The following ZSCAN25 variants were observed in gnomAD, a reference collection of about 807,000 sequenced individuals.
The protein encoded by ZSCAN25 is zinc finger and SCAN domain containing 25.
Under a neutral mutation model 38.7 loss-of-function variants are expected in ZSCAN25, and 27 were observed. The ratio of observed to expected loss-of-function variants is 0.70; its 90% confidence interval spans 0.51 to 0.96. The LOEUF is 0.96. Among genes scored for constraint, ZSCAN25 ranks in the 40% least tolerant of loss-of-function variants. The probability of loss-of-function intolerance (pLI) is 0.00; values close to 1 mark genes in which losing one functional copy is unlikely to be tolerated. For synonymous variants in ZSCAN25, 273 were observed against 277.7 expected (o/e 0.98, Z 0.17); for missense variants, 637 against 705.9 (o/e 0.90, Z 1.11).
the ZSCAN25 span, chr7:99,648,488 A>AAT: frequency 2.8e-6 from 2 of 717,132 alleles, no homozygotes; most frequent in Non-Finnish European, 2.2e-6. Flanking sequence ...TATGACAAAA[A>AAT]TGCTTTGCAA....
chr7:99,686,227 G>A, the ZSCAN25 span, among the ~76,000 whole-genome samples: 9 of 152,232 alleles, frequency 5.9e-5, no homozygotes, highest in African/African-American at 1.7e-4. Flanking sequence ...CTTGAGAAGC[G>A]CAAGGGGTCA....
At chr7:99,686,902 TA>T in the ZSCAN25 span, among the ~76,000 whole-genome samples, 2 of 152,188 alleles carry the variant, frequency 1.3e-5, no homozygotes, top group African/African-American at 4.8e-5. Context: ...CCACTGCTGA[TA>T]CCCAGGCAAA....
chr7:99,672,852 C>T, the ZSCAN25 span: 1 of 1,418,012 alleles, frequency 7.1e-7, no homozygotes, highest in African/African-American at 1.4e-5. Flanking sequence ...GCAAGAGTCT[C>T]ACACAGGAGC....
chr7:99,720,572 A>G, the ZSCAN25 span: 1 of 746,122 alleles, frequency 1.3e-6, no homozygotes, highest in Non-Finnish European at 2.2e-6. Flanking sequence ...ACTCACAGCA[A>G]GAGTCTGACA....
Position 99,624,042 on chromosome 7 carries a change from C to T in ZSCAN25, c.682-15C>T, listed in dbSNP as rs1271991916. On this transcript the variant is annotated splice_polypyrimidine_tract_variant and intron_variant, in intron 6 of 7. Transcript: ENST00000394152. The stretch of plus-strand genomic sequence containing the variant: ...GGATTCTTTCTTTATTCATAGCAAT[C>T]TCCTATTGTTGCAGGGGTTGGGGCC... 4.3e-6 allele frequency: 7 copies of T among 1,614,034 alleles called. No homozygotes were observed. The highest frequency in any genetic ancestry group is 1.7e-5 in the Admixed American group (1 of 60,014).
intron 3 of ZSCAN25, 137 bp from the exon 4 acceptor site, chr7:99,619,424 T>C (rs1806739027): frequency 3.0e-6 from 2 of 670,468 alleles, no homozygotes. Flanking sequence ...TGAATTGACC[T>C]GACTTTTGGG....
At chr7:99,691,794 A>C in the ZSCAN25 span, among the ~76,000 whole-genome samples, 1 of 152,030 alleles carries the variant, frequency 6.6e-6, no homozygotes, top group Admixed American at 6.5e-5. Context: ...GTGTCTTTGC[A>C]TGTGAGGTGG....
chr7:99,730,403 C>T, the ZSCAN25 span, among the ~76,000 whole-genome samples: 1 of 152,158 alleles, frequency 6.6e-6, no homozygotes, highest in Non-Finnish European at 1.5e-5. Flanking sequence ...ACCCACAAGA[C>T]GCAGCCTTCA....
At chr7:99,663,504 A>T in the ZSCAN25 span, 1 of 990,546 alleles carries the variant, frequency 1.0e-6, no homozygotes, top group Non-Finnish European at 1.2e-6. Flanking sequence ...AGGCTGTGAA[A>T]CACTCACATT....
the ZSCAN25 span, among the ~76,000 whole-genome samples, chr7:99,727,597 T>C: frequency 7.2e-5 from 11 of 152,158 alleles, no homozygotes; most frequent in African/African-American, 2.7e-4. Context: ...TTCTTTCCTG[T>C]TTTTCACCTG....
At position 99,629,632 on chromosome 7, in the gene ZSCAN25, A is replaced by G; in HGVS notation, c.1247A>G (p.His416Arg). ...SECWKTFSQR[H>R]HLEVHQRSHT... ...TGCTGGAAAACCTTCAGCCAGAGAC[A>G]CCACCTGGAGGTGCACCAGCGCAGC... Residue 416 changes from histidine to arginine, a missense_variant, in exon 8 of 8, where the codon CAC becomes CGC. His to Arg is a conservative substitution (Grantham distance 29). Coordinates refer to ENST00000394152, the MANE Select transcript of ZSCAN25 (RefSeq NM_145115.3). This position sits in a 1 kb window ranked among gnomAD's most constrained non-coding sequence, Gnocchi z 5.6. The G allele has an allele frequency of 6.2e-7, 1 of 1,614,092 alleles. No homozygotes were observed. Among genetic ancestry groups the G allele is most frequent in the Non-Finnish European group, 8.5e-7 (1 of 1,180,034 alleles).
At chr7:99,679,169 T>C in the ZSCAN25 span, among the ~76,000 whole-genome samples, 1 of 152,112 alleles carries the variant, frequency 6.6e-6, no homozygotes, top group Non-Finnish European at 1.5e-5. Flanking sequence ...AGGTTAATCA[T>C]TGCAAGATAA....
chr7:99,637,931 AAAT>A, the ZSCAN25 span, among the ~76,000 whole-genome samples: 2 of 152,234 alleles, frequency 1.3e-5, no homozygotes, highest in Non-Finnish European at 2.9e-5. Flanking sequence ...GAAATAAAAA[AAAT>A]CAATTATTAC....
At chr7:99,702,629 A>G in the ZSCAN25 span, among the ~76,000 whole-genome samples, 3 of 152,334 alleles carry the variant, frequency 2.0e-5, no homozygotes, top group East Asian at 1.9e-4. Context: ...TACAAACACC[A>G]TACTGTTTTG....
chr7:99,622,674 C>A, intron 6 of ZSCAN25, 34 bp downstream of exon 6: 1 of 1,595,528 alleles, frequency 6.3e-7, no homozygotes. Flanking sequence ...AAATCATGAC[C>A]GTTGCTTTGA....
At chr7:99,674,506 T>G in the ZSCAN25 span, 11 of 1,600,950 alleles carry the variant, frequency 6.9e-6, no homozygotes, top group Non-Finnish European at 9.4e-6. Context: ...AGCAGGTCTA[T>G]CCAATGGAGG....
At chr7:99,734,482 C>T in the ZSCAN25 span, among the ~76,000 whole-genome samples, 1 of 152,156 alleles carries the variant, frequency 6.6e-6, no homozygotes, top group African/African-American at 2.4e-5. Flanking sequence ...TCCCTAAACC[C>T]TTCTTTCCAC....
the ZSCAN25 span, chr7:99,695,777 A>G: frequency 2.5e-6 from 4 of 1,613,664 alleles, no homozygotes; most frequent in Non-Finnish European, 2.5e-6. Flanking sequence ...TCCCAAAAAA[A>G]GCAGAGGTGT....
At chr7:99,667,252 C>CG in the ZSCAN25 span, among the ~76,000 whole-genome samples, 1 of 24,394 alleles carries the variant, frequency 4.1e-5, no homozygotes, top group African/African-American at 1.6e-4. Context: ...GTATGTGGGG[C>CG]GGGGGTGGGA....
Sources: allele counts gnomAD v4.1 joint callset (sites outside exome capture counted in the v4.1 genomes callset), GRCh38; gene constraint gnomAD v4.1.1; non-coding constraint Gnocchi (gnomAD v3.1); transcripts MANE v1.5; gene names NCBI Gene and HGNC (gene_info 2026-07-23, HGNC 2026-07-21).